OTUD7A: variants seen among roughly 807,000 people sequenced by gnomAD.
OTUD7A encodes the protein OTU domain-containing protein 7A.
In OTUD7A, 12 loss-of-function variants were observed where a neutral mutation model predicts 65.7. The observed-to-expected ratio is 0.18, with a 90% CI of 0.12 to 0.30. The LOEUF (loss-of-function observed/expected upper bound fraction) is 0.30, where lower values mean the gene tolerates loss of function less well. Ranked by LOEUF, OTUD7A falls within the 10% of genes least tolerant of loss-of-function variation. OTUD7A has a pLI of 1.00. For missense variants in OTUD7A, 1,148 were observed against 1,304.8 expected, an observed-to-expected ratio of 0.88 and a Z score of 1.85; for synonymous variants, 641 against 586.3, an observed-to-expected ratio of 1.09 and a Z score of -1.35.
intron 5 of OTUD7A, among the ~76,000 whole-genome samples, chr15:31,545,516 A>G (rs531947824): frequency 1.1e-4 from 16 of 152,146 alleles, no homozygotes; most frequent in Non-Finnish European, 1.9e-4. Context: ...TACACACCTG[A>G]CAAAGGTCCC....
At chr15:31,499,954 T>C (rs1386166436) in intron 10 of OTUD7A, among the ~76,000 whole-genome samples, 1 of 152,234 alleles carries the variant, frequency 6.6e-6, no homozygotes, top group Non-Finnish European at 1.5e-5. Flanking sequence ...TGCTTTCATA[T>C]GTGCCTTGAA....
At chr15:31,656,732 T>C (rs1394494290) in intron 2 of OTUD7A, among the ~76,000 whole-genome samples, 3 of 152,000 alleles carry the variant, frequency 2.0e-5, no homozygotes, top group Non-Finnish European at 4.4e-5. Flanking sequence ...GCCAGGCACA[T>C]AGCCTGATTT....
intron 3 of OTUD7A, among the ~76,000 whole-genome samples, chr15:31,610,316 T>C (rs765812953): frequency 5.9e-5 from 9 of 151,906 alleles, no homozygotes; most frequent in Non-Finnish European, 8.8e-5. Context: ...CAGGTACTAA[T>C]AGATCTAAGA....
chr15:31,631,804 C>G (rs1324825766), intron 3 of OTUD7A, among the ~76,000 whole-genome samples: 1 of 152,054 alleles, frequency 6.6e-6, no homozygotes, highest in Non-Finnish European at 1.5e-5. Context: ...ATTCTTTTTT[C>G]TCTAATCTTC....
intron 1 of OTUD7A, among the ~76,000 whole-genome samples, chr15:31,840,476 T>C (rs896289516): frequency 6.6e-6 from 1 of 152,046 alleles, no homozygotes; most frequent in Non-Finnish European, 1.5e-5. Flanking sequence ...AAAATAAAAT[T>C]GAAGCTTAAA....
intron 1 of OTUD7A, among the ~76,000 whole-genome samples, chr15:31,715,062 G>A (rs1893548111): frequency 6.6e-6 from 1 of 151,874 alleles, no homozygotes; most frequent in Non-Finnish European, 1.5e-5. Flanking sequence ...CTTGAACCTG[G>A]GAGGCTGAGG....
intron 10 of OTUD7A, among the ~76,000 whole-genome samples, chr15:31,490,268 C>T (rs2041300730): frequency 6.6e-6 from 1 of 152,178 alleles, no homozygotes; most frequent in Admixed American, 6.5e-5. Context: ...TCAAAATGAG[C>T]CTAAAAAGGC....
At chr15:31,793,873 C>A (rs1048885711) in intron 1 of OTUD7A, among the ~76,000 whole-genome samples, 5 of 152,142 alleles carry the variant, frequency 3.3e-5, no homozygotes, top group African/African-American at 1.2e-4. Context: ...GTACATCATG[C>A]CTTGGTATTC....
At chr15:31,594,984 G>C (rs1420958846) in intron 3 of OTUD7A, among the ~76,000 whole-genome samples, 2 of 152,224 alleles carry the variant, frequency 1.3e-5, no homozygotes, top group African/African-American at 2.4e-5. Context: ...CAGAGATTCA[G>C]GGGGCACCTA....
At chr15:31,730,220 C>T (rs1386073811) in intron 1 of OTUD7A, among the ~76,000 whole-genome samples, 1 of 152,174 alleles carries the variant, frequency 6.6e-6, no homozygotes, top group Non-Finnish European at 1.5e-5. Flanking sequence ...CTTGGACTTC[C>T]CAGCCTCCAG....
At chr15:31,585,974 G>A (rs1341333867) in intron 3 of OTUD7A, among the ~76,000 whole-genome samples, 1 of 152,190 alleles carries the variant, frequency 6.6e-6, no homozygotes, top group East Asian at 1.9e-4. Flanking sequence ...AATGACATAT[G>A]CATGTGAATA....
chr15:31,601,454 A>G (rs990465662), intron 3 of OTUD7A, among the ~76,000 whole-genome samples: 1 of 152,220 alleles, frequency 6.6e-6, no homozygotes, highest in Non-Finnish European at 1.5e-5. Context: ...GACACATTTA[A>G]TGCAGTGTGT....
At chr15:31,743,783 A>G (rs983438978) in intron 1 of OTUD7A, among the ~76,000 whole-genome samples, 28 of 152,058 alleles carry the variant, frequency 1.8e-4, no homozygotes, top group Admixed American at 1.4e-3. Flanking sequence ...AAATTAAACA[A>G]TCTAAAATTT....
At chr15:31,523,165 A>G (rs777304482) in intron 8 of OTUD7A, among the ~76,000 whole-genome samples, 29 of 152,224 alleles carry the variant, frequency 1.9e-4, no homozygotes, top group Non-Finnish European at 3.7e-4. Flanking sequence ...GGGGGCTATC[A>G]GCCCCAAGCT....
At chr15:31,662,754 T>G (rs765988534) in intron 1 of OTUD7A, among the ~76,000 whole-genome samples, 1 of 152,208 alleles carries the variant, frequency 6.6e-6, no homozygotes, top group African/African-American at 2.4e-5. Flanking sequence ...AAAAACAAAT[T>G]TTGAGTTCAT....
In OTUD7A at chr15:31,833,908, G is replaced by A. The variant is rs189434934; in HGVS notation, c.-100+36599C>T. Among the ~76,000 whole-genome samples, 67 of 152,296 alleles carry A rather than the reference G, an allele frequency of 4.4e-4. No individual in the cohort carries two copies. In the South Asian group the frequency reaches 7.0e-3, roughly 16 times the overall value. Reference sequence around the variant, plus strand: ...TAGAGAAGATGGCCCTGGAGGCCCCGCTCTGCTTTTTGGGGGGTCCTCCCC... The same window carrying A: ...TAGAGAAGATGGCCCTGGAGGCCCCACTCTGCTTTTTGGGGGGTCCTCCCC... On this transcript the variant is annotated intron_variant, in intron 1 of 12. Transcript: ENST00000307050.
chr15:31,733,631 T>C (rs1237786769), intron 1 of OTUD7A, among the ~76,000 whole-genome samples: 1 of 152,194 alleles, frequency 6.6e-6, no homozygotes, highest in East Asian at 1.9e-4. Flanking sequence ...TTCACCATTG[T>C]CTCTTCAGTG....
At chr15:31,664,538 T>G (rs1242134961) in intron 1 of OTUD7A, among the ~76,000 whole-genome samples, 1 of 151,972 alleles carries the variant, frequency 6.6e-6, no homozygotes, top group Non-Finnish European at 1.5e-5. Flanking sequence ...TTTGAGTTTG[T>G]GGTAGATTCT....
At chr15:31,511,753 CTATATGTAACATACAT>C in intron 8 of OTUD7A, among the ~76,000 whole-genome samples, 1 of 149,718 alleles carries the variant, frequency 6.7e-6, no homozygotes, top group South Asian at 2.1e-4. Flanking sequence ...ATATGTATAT[CTATATGTAACATACAT>C]ATATATGTAT....
Sources: gnomAD v4.1 joint callset for allele counts (sites outside exome capture counted in the v4.1 genomes callset) on GRCh38, gnomAD v4.1.1 for gene constraint, MANE v1.5 for transcripts, NCBI Gene and HGNC (gene_info 2026-07-23, HGNC 2026-07-21) for gene names.